Variants in WDR41 observed in about 807,000 individuals in gnomAD.
WDR41 encodes WD repeat domain 41, also known as WD repeat-containing protein 41.
Under a neutral mutation model 69.3 loss-of-function variants are expected in WDR41, and 63 were observed. The observed-to-expected ratio is 0.91, with a 90% CI of 0.74 to 1.12. The LOEUF (loss-of-function observed/expected upper bound fraction) is 1.12. Among genes scored for constraint, WDR41 ranks in the 50% most tolerant of loss-of-function variants. WDR41 has a pLI of 0.00. For missense variants in WDR41, 543 were observed against 534.5 expected (o/e 1.02, Z -0.16); for synonymous variants, 185 against 192.1 (o/e 0.96, Z 0.31).
chr5:77,554,190 T>C (rs1419620786), intron 1 of WDR41, among the ~76,000 whole-genome samples: 4 of 152,210 alleles, frequency 2.6e-5, no homozygotes, highest in Non-Finnish European at 5.9e-5. Flanking sequence ...AGTTACACAC[T>C]ACATTATTCC....
rs768995733 is a variant in WDR41 at position 77,440,794 on chromosome 5, T to C, written c.882+19A>G. Reference sequence around the variant, plus strand: ...TATATGTCAAAGGCAAGTTTATAGATAGTGTATACATTTTTTACCTCTTCA... The same window carrying C: ...TATATGTCAAAGGCAAGTTTATAGACAGTGTATACATTTTTTACCTCTTCA... On this transcript the variant is annotated intron_variant, in intron 9 of 12. Transcript: ENST00000296679. 1.2e-6 allele frequency: 2 copies of C among 1,611,830 alleles called. No individual in the cohort carries two copies. The highest frequency in any genetic ancestry group is 1.1e-5 in the South Asian group (1 of 90,958).
At chr5:77,593,596 A>C (rs962865059) in intron 1 of WDR41, among the ~76,000 whole-genome samples, 15 of 152,360 alleles carry the variant, frequency 9.8e-5, no homozygotes, top group Middle Eastern at 3.4e-3. Context: ...TTATAAAAAT[A>C]AACTATTATC....
At chr5:77,596,325 T>G (rs1336555418) in intron 1 of WDR41, among the ~76,000 whole-genome samples, 3 of 152,110 alleles carry the variant, frequency 2.0e-5, no homozygotes, top group Non-Finnish European at 4.4e-5. Flanking sequence ...GTTTTGTGTT[T>G]TTAGTGGAGA....
At chr5:77,565,044 G>A (rs988039137) in intron 1 of WDR41, among the ~76,000 whole-genome samples, 1 of 151,996 alleles carries the variant, frequency 6.6e-6, no homozygotes, top group Non-Finnish European at 1.5e-5. Flanking sequence ...CCTGGAATGA[G>A]GCAGTGGGCT....
intron 1 of WDR41, among the ~76,000 whole-genome samples, chr5:77,563,687 G>C (rs571577882): frequency 6.6e-6 from 1 of 152,154 alleles, no homozygotes; most frequent in African/African-American, 2.4e-5. Context: ...AGTGTGCCAG[G>C]ACATACTGCA....
At chr5:77,453,263 T>C (rs1799694655) in intron 6 of WDR41, among the ~76,000 whole-genome samples, 1 of 152,168 alleles carries the variant, frequency 6.6e-6, no homozygotes, top group Admixed American at 6.5e-5. Context: ...GACTTCAAGG[T>C]TGTTATTAAA....
chr5:77,527,828 C>T (rs1252055918), intron 1 of WDR41, among the ~76,000 whole-genome samples: 2 of 151,550 alleles, frequency 1.3e-5, no homozygotes, highest in Admixed American at 1.3e-4. Flanking sequence ...AGAAATCTAC[C>T]TCTAAATGAT....
At chr5:77,520,532 C>A (rs1381450775) in intron 1 of WDR41, among the ~76,000 whole-genome samples, 2 of 152,128 alleles carry the variant, frequency 1.3e-5, no homozygotes, top group South Asian at 4.1e-4. Flanking sequence ...CAAGGAGGTG[C>A]CTTATACACT....
chr5:77,530,313 T>C (rs1802508902), intron 1 of WDR41, among the ~76,000 whole-genome samples: 1 of 151,566 alleles, frequency 6.6e-6, no homozygotes, highest in Non-Finnish European at 1.5e-5. Context: ...AGAAAAAGAC[T>C]TGGACAAGAA....
rs71606297 is a variant in WDR41, at chr5:77,464,274, CTTTTT to C, written c.216+482_216+486del. Among the ~76,000 whole-genome samples, 53 of 94,222 alleles carry C rather than the reference CTTTTT, an allele frequency of 5.6e-4. 1 individual carries two copies. The highest frequency in any genetic ancestry group is 7.8e-3 in the Middle Eastern group (1 of 128). 61.8% of individuals were successfully genotyped at this position (94,222 alleles called of 152,430 possible). A position where few individuals can be genotyped will look rare whatever the true frequency, so the allele number is the denominator to read the frequency against. On this transcript the variant is annotated intron_variant, in intron 3 of 12. Coordinates refer to ENST00000296679, the MANE Select transcript of WDR41 (RefSeq NM_018268.4). ...TTGGCATTTGTTTCTTAGGAAAAAACTTTTTTTTTTTTTTTTTTTTTTTGAGACAG... is the reference window on the plus strand; with the variant it reads ...TTGGCATTTGTTTCTTAGGAAAAAACTTTTTTTTTTTTTTTTTTGAGACAG...
intron 9 of WDR41, among the ~76,000 whole-genome samples, chr5:77,440,070 A>AT (rs527745235): frequency 4.4e-4 from 67 of 152,300 alleles, no homozygotes; most frequent in African/African-American, 1.5e-3. Flanking sequence ...CCCCCACTAC[A>AT]TAACACTACT....
At chr5:77,514,951 G>T (rs1802271428) in intron 1 of WDR41, among the ~76,000 whole-genome samples, 1 of 152,196 alleles carries the variant, frequency 6.6e-6, no homozygotes, top group East Asian at 1.9e-4. Context: ...AGTTGCTCTG[G>T]GTGAGTCAGT....
Position 77,598,912 on chromosome 5 carries a change from T to G in WDR41, c.42+21567A>C, listed in dbSNP as rs368806421. On this transcript the variant is annotated intron_variant, in intron 1 of 5. Coordinates refer to the WDR41 transcript ENST00000509971. ...AGGAAGCCATAAGTCAAGATTCTCA[T>G]AGTATTTGGTTAATATTTAGATCAG... is the stretch of plus-strand genomic sequence containing the variant. Among the ~76,000 whole-genome samples the G allele has an allele frequency of 5.9e-5, 9 of 152,240 alleles. No homozygotes were observed. In the East Asian group the frequency reaches 7.7e-4, roughly 13 times the overall value.
intron 2 of WDR41, among the ~76,000 whole-genome samples, chr5:77,473,026 C>T (rs1800703681): frequency 6.6e-6 from 1 of 152,126 alleles, no homozygotes; most frequent in Non-Finnish European, 1.5e-5. Context: ...AATTATACTA[C>T]AAGGCTACAG....
chr5:77,546,058 C>T (rs2112232765), intron 1 of WDR41: 1 of 552,968 alleles, frequency 1.8e-6, no homozygotes, highest in Non-Finnish European at 3.0e-6. Flanking sequence ...ACTGCTACAC[C>T]TCAGCCAGGG....
chr5:77,560,538 T>C (rs554814588), intron 1 of WDR41, among the ~76,000 whole-genome samples: 2 of 152,214 alleles, frequency 1.3e-5, no homozygotes. Flanking sequence ...ATGCATTAAA[T>C]GAAAAGCCAG....
intron 1 of WDR41, among the ~76,000 whole-genome samples, chr5:77,543,053 T>G (rs1017919474): frequency 1.3e-5 from 2 of 152,022 alleles, no homozygotes; most frequent in African/African-American, 2.4e-5. Context: ...AGAAGAGAGA[T>G]AACAATCACT....
chr5:77,462,054 G>A (rs544175559), intron 4 of WDR41, among the ~76,000 whole-genome samples: 1 of 152,246 alleles, frequency 6.6e-6, no homozygotes, highest in East Asian at 1.9e-4. Flanking sequence ...CACTGGCTGT[G>A]TGCCTTGGGA....
chr5:77,518,174 TA>T (rs1802319902), intron 1 of WDR41, among the ~76,000 whole-genome samples: 1 of 143,260 alleles, frequency 7.0e-6, no homozygotes, highest in Non-Finnish European at 1.5e-5. Context: ...CGTATCAGTA[TA>T]TGGGATTTTT....
Sources: allele counts gnomAD v4.1 joint callset (sites outside exome capture counted in the v4.1 genomes callset), GRCh38; gene constraint gnomAD v4.1.1; transcripts MANE v1.5; gene names NCBI Gene and HGNC (gene_info 2026-07-23, HGNC 2026-07-21).